ZNF385D: variants seen among roughly 807,000 people sequenced by gnomAD.
The protein encoded by ZNF385D is zinc finger protein 659.
Under a neutral mutation model 35.8 loss-of-function variants are expected in ZNF385D, and 15 were observed. That is an observed-to-expected ratio of 0.42 (90% CI 0.28 to 0.64). The LOEUF (loss-of-function observed/expected upper bound fraction) is 0.64. Among genes scored for constraint, ZNF385D ranks in the 30% least tolerant of loss-of-function variants. The probability of loss-of-function intolerance (pLI) is 0.23; values close to 1 mark genes in which losing one functional copy is unlikely to be tolerated. For synonymous variants in ZNF385D, 212 were observed against 186.8 expected (o/e 1.13, Z -1.10); for missense variants, 474 against 494.6 (o/e 0.96, Z 0.39).
At chr3:21,587,958 A>G (rs567690885) in intron 2 of ZNF385D, among the ~76,000 whole-genome samples, 12 of 152,142 alleles carry the variant, frequency 7.9e-5, no homozygotes, top group South Asian at 2.1e-4. Flanking sequence ...GGTAGGTTCT[A>G]TTATCTCCTT....
At chr3:22,152,241 G>A (rs1705285425) in intron 3 of ZNF385D, among the ~76,000 whole-genome samples, 1 of 152,054 alleles carries the variant, frequency 6.6e-6, no homozygotes, top group Non-Finnish European at 1.5e-5. Context: ...AATACTTTCA[G>A]ACAAATGCTT....
intron 1 of ZNF385D, among the ~76,000 whole-genome samples, chr3:21,685,137 T>C (rs2067064119): frequency 6.6e-6 from 1 of 152,236 alleles, no homozygotes; most frequent in Admixed American, 6.5e-5. Flanking sequence ...ACAGGTGTTA[T>C]GGCTTATTAT....
At chr3:22,208,837 G>C (rs764966172) in intron 2 of ZNF385D, among the ~76,000 whole-genome samples, 5 of 151,880 alleles carry the variant, frequency 3.3e-5, no homozygotes, top group Non-Finnish European at 5.9e-5. Context: ...CAAAACTAAA[G>C]AGAGAATAGA....
chr3:22,355,694 G>T (rs17011243), intron 2 of ZNF385D, among the ~76,000 whole-genome samples: 15 of 151,782 alleles, frequency 9.9e-5, no homozygotes, highest in Admixed American at 5.3e-4. Flanking sequence ...AAAAATCAAC[G>T]TATCAGACAT....
At chr3:22,238,412 A>G (rs1402658027) in intron 2 of ZNF385D, among the ~76,000 whole-genome samples, 4 of 151,020 alleles carry the variant, frequency 2.6e-5, no homozygotes, top group Admixed American at 6.6e-5. Context: ...ATGTATTTCT[A>G]TCTTTAAAAT....
chr3:21,805,064 G>A (rs1449920044), intron 3 of ZNF385D, among the ~76,000 whole-genome samples: 1 of 152,102 alleles, frequency 6.6e-6, no homozygotes. Flanking sequence ...CACTAGGTGG[G>A]TTTCCGCTTT....
intron 1 of ZNF385D, among the ~76,000 whole-genome samples, chr3:21,671,084 T>G (rs2066563574): frequency 6.6e-6 from 1 of 152,082 alleles, no homozygotes; most frequent in African/African-American, 2.4e-5. Flanking sequence ...AAAGCTCAGT[T>G]GTGCATGTAC....
At chr3:21,767,493 T>C (rs1044725203) in intron 3 of ZNF385D, among the ~76,000 whole-genome samples, 4 of 152,094 alleles carry the variant, frequency 2.6e-5, no homozygotes, top group South Asian at 2.1e-4. Context: ...TTTGTTATCA[T>C]TGACTCCATA....
At chr3:21,669,764 T>G (rs933516692) in intron 1 of ZNF385D, among the ~76,000 whole-genome samples, 1 of 152,190 alleles carries the variant, frequency 6.6e-6, no homozygotes, top group African/African-American at 2.4e-5. Flanking sequence ...AGCAGCTACT[T>G]AGGCTTTCTG....
intron 3 of ZNF385D, among the ~76,000 whole-genome samples, chr3:21,786,488 G>A (rs765836698): frequency 6.6e-6 from 1 of 152,080 alleles, no homozygotes; most frequent in Non-Finnish European, 1.5e-5. Context: ...GAATTATTCA[G>A]AAGTCTTTAA....
chr3:22,352,463 A>C (rs139723300), intron 2 of ZNF385D, among the ~76,000 whole-genome samples: 1 of 152,292 alleles, frequency 6.6e-6, no homozygotes, highest in African/African-American at 2.4e-5. Context: ...AAGGTGAAAA[A>C]TGTGATTCAC....
At chr3:21,939,305 T>A (rs1391553050) in intron 3 of ZNF385D, among the ~76,000 whole-genome samples, 7 of 152,176 alleles carry the variant, frequency 4.6e-5, no homozygotes, top group Non-Finnish European at 8.8e-5. Context: ...ATAACAACAC[T>A]GTTAAGTACG....
intron 3 of ZNF385D, among the ~76,000 whole-genome samples, chr3:22,107,922 G>A (rs890672077): frequency 4.0e-5 from 6 of 151,814 alleles, no homozygotes; most frequent in East Asian, 1.9e-4. Context: ...TGATTAGGCC[G>A]TGAGGACTCC....
In ZNF385D at chr3:21,999,147, A is replaced by G. The variant is rs112815010; in HGVS notation, c.325+169670T>C. On this transcript the variant is annotated intron_variant, in intron 3 of 5. Coordinates refer to the ZNF385D transcript ENST00000494108. ...ACATCAGTCAGGTTCACAGAACTGC[A>G]GCATTTCCTCTGAGGTTCTGTTGTT... Among the ~76,000 whole-genome samples, 195 of 152,332 alleles carry G rather than the reference A, an allele frequency of 1.3e-3. 2 individuals are homozygous for G. Among genetic ancestry groups the G allele is most frequent in the African/African-American group, 3.1e-3 (129 of 41,564 alleles).
intron 3 of ZNF385D, among the ~76,000 whole-genome samples, chr3:22,002,404 T>TAATA (rs1050646453): frequency 2.6e-5 from 4 of 152,012 alleles, no homozygotes; most frequent in African/African-American, 9.7e-5. Flanking sequence ...ATGAACAAAC[T>TAATA]AATAACAAGA....
intron 3 of ZNF385D, among the ~76,000 whole-genome samples, chr3:21,907,812 C>A (rs1256198306): frequency 1.3e-5 from 2 of 152,082 alleles, no homozygotes; most frequent in African/African-American, 2.4e-5. Flanking sequence ...GTTCACATCA[C>A]TGCACCCTCC....
intron 3 of ZNF385D, among the ~76,000 whole-genome samples, chr3:21,999,130 C>G (rs1466650439): frequency 1.3e-5 from 2 of 152,164 alleles, no homozygotes; most frequent in African/African-American, 4.8e-5. Flanking sequence ...GCACATCAGT[C>G]AGGTTCACAG....
intron 3 of ZNF385D, among the ~76,000 whole-genome samples, chr3:21,823,744 A>G (rs528429441): frequency 2.3e-4 from 35 of 152,320 alleles, no homozygotes; most frequent in Non-Finnish European, 2.9e-4. Flanking sequence ...ATACACAGTA[A>G]ATGCAAATGG....
intron 3 of ZNF385D, among the ~76,000 whole-genome samples, chr3:22,039,193 G>A (rs923276903): frequency 7.0e-6 from 1 of 142,866 alleles, no homozygotes; most frequent in Non-Finnish European, 1.5e-5. Context: ...TGTGAATGAT[G>A]AATGGAAGCT....
Sources: allele counts gnomAD v4.1 joint callset (sites outside exome capture counted in the v4.1 genomes callset), GRCh38; gene constraint gnomAD v4.1.1; transcripts MANE v1.5; gene names NCBI Gene and HGNC (gene_info 2026-07-23, HGNC 2026-07-21).